Variants in KIAA1217 observed in about 807,000 individuals in gnomAD.
The protein encoded by KIAA1217 is KIAA1217, also known as sickle tail protein homolog.
KIAA1217 carries 88 observed loss-of-function variants against 163.9 expected under a neutral mutation model. That is an observed-to-expected ratio of 0.54 (90% CI 0.45 to 0.64). KIAA1217 has a LOEUF of 0.64. KIAA1217 is among the 30% of genes least tolerant of loss of function. KIAA1217 has a pLI of 0.00. For missense variants in KIAA1217, 2,372 were observed against 2,475.0 expected, an observed-to-expected ratio of 0.96 and a Z score of 0.88; for synonymous variants, 903 against 923.1, an observed-to-expected ratio of 0.98 and a Z score of 0.39.
chr10:23,823,163 G>C (rs138176257), intron 1 of KIAA1217, among the ~76,000 whole-genome samples: 1,814 of 152,318 alleles, frequency 0.012, 30 homozygotes, highest in African/African-American at 0.042. Context: ...CCAAGGTGTT[G>C]GCAGGGCTGT....
At chr10:23,739,254 A>G (rs7084134) in intron 1 of KIAA1217, among the ~76,000 whole-genome samples, 4,144 of 152,104 alleles carry the variant, frequency 0.027, 97 homozygotes, top group South Asian at 0.082. Flanking sequence ...CGAAAGGGGC[A>G]GGTGATGAGA....
chr10:23,927,552 T>G (rs76059681), intron 1 of KIAA1217, among the ~76,000 whole-genome samples: 2,123 of 152,280 alleles, frequency 0.014, 53 homozygotes, highest in African/African-American at 0.049. Flanking sequence ...TGTGAGATGC[T>G]CATATGTGAT....
intron 1 of KIAA1217, among the ~76,000 whole-genome samples, chr10:23,718,851 G>A (rs111695431): frequency 3.5e-5 from 5 of 140,994 alleles, no homozygotes; most frequent in South Asian, 2.2e-4. Context: ...GGAGGGAGGG[G>A]GAGAGAGAGA....
intron 3 of KIAA1217, among the ~76,000 whole-genome samples, chr10:24,412,070 C>T (rs1268699324): frequency 2.0e-5 from 3 of 151,850 alleles, no homozygotes; most frequent in Non-Finnish European, 2.9e-5. Flanking sequence ...ATCAGTGTAA[C>T]CAAAAGTTGT....
At chr10:24,417,542 A>G (rs3858220) in intron 3 of KIAA1217, among the ~76,000 whole-genome samples, 24,283 of 152,154 alleles carry the variant, frequency 0.16, 1,994 homozygotes, top group East Asian at 0.2. Flanking sequence ...AGCTGCTAGA[A>G]AGGGGGTGAT....
chr10:23,934,607 G>A (rs28558295), intron 1 of KIAA1217, among the ~76,000 whole-genome samples: 1,737 of 35,732 alleles, frequency 0.049, 87 homozygotes, highest in African/African-American at 0.26. Context: ...ATATATATAT[G>A]TATATATATA....
At chr10:24,365,357 G>A (rs557839051) in intron 2 of KIAA1217, among the ~76,000 whole-genome samples, 15 of 151,646 alleles carry the variant, frequency 9.9e-5, no homozygotes, top group Non-Finnish European at 1.5e-4. Context: ...TCCCGCAGCC[G>A]GTGTTACTTA....
At chr10:23,860,829 C>A (rs1284976525) in intron 1 of KIAA1217, among the ~76,000 whole-genome samples, 2 of 151,898 alleles carry the variant, frequency 1.3e-5, no homozygotes, top group Non-Finnish European at 2.9e-5. Context: ...GAGATCCTGA[C>A]TCTTTATTTT....
At chr10:24,535,613 A>T (rs972825157) in intron 16 of KIAA1217, among the ~76,000 whole-genome samples, 2 of 152,048 alleles carry the variant, frequency 1.3e-5, no homozygotes, top group Non-Finnish European at 2.9e-5. Context: ...CATCTCTACT[A>T]AAACTACAAA....
chr10:24,264,320 C>T (rs1244122339), intron 2 of KIAA1217, among the ~76,000 whole-genome samples: 3 of 151,964 alleles, frequency 2.0e-5, no homozygotes, highest in Non-Finnish European at 4.4e-5. Flanking sequence ...CTGAGACATG[C>T]AGAGGGACAG....
In KIAA1217 at chr10:23,697,055, T is replaced by C. The variant is rs903455100; in HGVS notation, c.-321+1821T>C. On this transcript the variant is annotated intron_variant, in intron 1 of 18. Coordinates refer to the KIAA1217 transcript ENST00000376462. ...CTTAAACAAGTGTTTGTTTTCTATCTTTATGCAATGGAAATTACCAGCACC... is the reference window on the plus strand; with the variant it reads ...CTTAAACAAGTGTTTGTTTTCTATCCTTATGCAATGGAAATTACCAGCACC... 3.3e-5 allele frequency among the ~76,000 whole-genome samples: 5 copies of C among 152,208 alleles called. No homozygotes were observed. The South Asian group carries it at 1.0e-3, about 32-fold the overall frequency.
chr10:23,926,924 T>C (rs1228181399), intron 1 of KIAA1217, among the ~76,000 whole-genome samples: 4 of 152,022 alleles, frequency 2.6e-5, no homozygotes, highest in African/African-American at 4.8e-5. Flanking sequence ...TATTCTTTTT[T>C]TGAGACAGGG....
chr10:24,171,428 C>A (rs11013929), intron 2 of KIAA1217, among the ~76,000 whole-genome samples: 3 of 152,100 alleles, frequency 2.0e-5, no homozygotes, highest in Admixed American at 1.3e-4. Flanking sequence ...ATTGGAAGCA[C>A]GTAAAATTTT....
At chr10:24,263,103 T>G (rs2075880615) in intron 2 of KIAA1217, among the ~76,000 whole-genome samples, 3 of 152,200 alleles carry the variant, frequency 2.0e-5, no homozygotes, top group Non-Finnish European at 4.4e-5. Context: ...TTCATTCCAG[T>G]TTTCCTGCTT....
chr10:24,517,789 G>C (rs2070430305), intron 10 of KIAA1217, among the ~76,000 whole-genome samples: 1 of 152,180 alleles, frequency 6.6e-6, no homozygotes, highest in Non-Finnish European at 1.5e-5. Context: ...GAGGTCAGGA[G>C]TTAGAGACCA....
At chr10:24,301,794 C>G (rs2041376342) in intron 2 of KIAA1217, among the ~76,000 whole-genome samples, 1 of 152,162 alleles carries the variant, frequency 6.6e-6, no homozygotes, top group Non-Finnish European at 1.5e-5. Context: ...CCTAAAATCC[C>G]AGCACTTTGG....
chr10:24,294,061 A>G (rs141565025), intron 2 of KIAA1217, among the ~76,000 whole-genome samples: 2,637 of 152,104 alleles, frequency 0.017, 72 homozygotes, highest in African/African-American at 0.06. Context: ...GCGTGGTGGC[A>G]GGCGCCTGTA....
chr10:23,766,932 G>A (rs140518400), intron 1 of KIAA1217, among the ~76,000 whole-genome samples: 46 of 152,190 alleles, frequency 3.0e-4, no homozygotes, highest in African/African-American at 1.1e-3. Flanking sequence ...TGAATCATTC[G>A]TTTAGCAAAC....
intron 1 of KIAA1217, among the ~76,000 whole-genome samples, chr10:23,697,377 G>C (rs1325189264): frequency 6.6e-6 from 1 of 152,080 alleles, no homozygotes; most frequent in Non-Finnish European, 1.5e-5. Flanking sequence ...TGCATATATT[G>C]ATTTTACTAG....
Sources: gnomAD v4.1 joint callset for allele counts (sites outside exome capture counted in the v4.1 genomes callset) on GRCh38, gnomAD v4.1.1 for gene constraint, MANE v1.5 for transcripts, NCBI Gene and HGNC (gene_info 2026-07-23, HGNC 2026-07-21) for gene names.